CEP120: variants seen among roughly 807,000 people sequenced by gnomAD.
CEP120 encodes the protein centrosomal protein of 120 kDa.
CEP120 carries 113 observed loss-of-function variants against 126.5 expected under a neutral mutation model. That is an observed-to-expected ratio of 0.89 (90% CI 0.77 to 1.04). The LOEUF is 1.04. Ranked by LOEUF, CEP120 falls within the 50% of genes least tolerant of loss-of-function variation. The probability of loss-of-function intolerance (pLI) is 0.00; values close to 1 mark genes in which losing one functional copy is unlikely to be tolerated. For missense variants in CEP120, 1,230 were observed against 1,155.7 expected, an observed-to-expected ratio of 1.06 and a Z score of -0.93; for synonymous variants, 400 against 394.3, an observed-to-expected ratio of 1.01 and a Z score of -0.17.
At chr5:123,420,965 C>G (rs142540343) in intron 1 of CEP120, among the ~76,000 whole-genome samples, 1 of 152,094 alleles carries the variant, frequency 6.6e-6, no homozygotes, top group Non-Finnish European at 1.5e-5. Context: ...AAATACAGTA[C>G]GAACAAGAGA....
chr5:123,407,394 T>C (rs902738191), intron 4 of CEP120, among the ~76,000 whole-genome samples: 2 of 152,128 alleles, frequency 1.3e-5, no homozygotes, highest in African/African-American at 2.4e-5. Context: ...AAAACAAATA[T>C]AGATTAAAAG....
rs757499322 is a variant in CEP120, at chr5:123,412,411, G to C, written c.451C>G (p.Arg151Gly). The C allele has an allele frequency of 1.3e-6, 2 of 1,599,856 alleles. No homozygotes were observed. Among genetic ancestry groups the C allele is most frequent in the East Asian group, 2.2e-5 (1 of 44,522 alleles). ...ATGATGCACAAACCTTTTCCATCTC[G>C]AGGGGGAGCCCCCTTTGCTTTAAAG... is the stretch of plus-strand genomic sequence containing the variant. ...DSFKAKGAPP[R>G]DGKVPAILAG... Residue 151 changes from arginine (R) to glycine (G), a missense_variant, in exon 4 of 20, where the codon CGA becomes GGA. Physicochemically the swap from Arg to Gly is moderately radical, Grantham distance 125. Transcript: ENST00000306467.
intron 4 of CEP120, chr5:123,403,157 C>T (rs1773383586): frequency 7.6e-6 from 3 of 395,862 alleles, no homozygotes; most frequent in African/African-American, 4.2e-5. Context: ...GCACAAATTC[C>T]CTCACTTTGT....
At chr5:123,363,178 C>T (rs1770211507) in intron 18 of CEP120, among the ~76,000 whole-genome samples, 1 of 151,508 alleles carries the variant, frequency 6.6e-6, no homozygotes, top group Admixed American at 6.6e-5. Context: ...TTTCCTAAAT[C>T]ACAACCAATT....
intron 9 of CEP120, 128 bp from the exon 10 acceptor site, chr5:123,386,795 A>T: frequency 3.0e-6 from 2 of 665,568 alleles, no homozygotes; most frequent in Admixed American, 8.4e-5. Context: ...TAATAGAAAC[A>T]TGGTAGACAT....
chr5:123,392,218 A>G (rs781119595), intron 6 of CEP120, among the ~76,000 whole-genome samples: 3 of 152,228 alleles, frequency 2.0e-5, no homozygotes, highest in Non-Finnish European at 2.9e-5. Flanking sequence ...TTAGAAACTA[A>G]TAAATCAATA....
At chr5:123,407,692 C>G (rs967331149) in intron 4 of CEP120, among the ~76,000 whole-genome samples, 2 of 152,166 alleles carry the variant, frequency 1.3e-5, no homozygotes, top group African/African-American at 2.4e-5. Context: ...ATTGACATAA[C>G]TGAACTCAAC....
At chr5:123,402,562 C>A (rs1239073047) in intron 4 of CEP120, among the ~76,000 whole-genome samples, 1 of 152,092 alleles carries the variant, frequency 6.6e-6, no homozygotes, top group African/African-American at 2.4e-5. Context: ...CAGGCTTGTG[C>A]CACCAAGCCA....
intron 1 of CEP120, among the ~76,000 whole-genome samples, chr5:123,420,624 T>C (rs1774654197): frequency 6.6e-6 from 1 of 152,132 alleles, no homozygotes; most frequent in East Asian, 1.9e-4. Flanking sequence ...CTGAAGGACT[T>C]TAAGAAAATC....
intron 4 of CEP120, chr5:123,401,987 C>T (rs1269664737): frequency 1.1e-5 from 17 of 1,604,704 alleles, no homozygotes; most frequent in Non-Finnish European, 1.4e-5. Flanking sequence ...ACTTGGTCTC[C>T]AGCATCTTGT....
At chr5:123,360,792 A>C (rs1219341774) in intron 18 of CEP120, among the ~76,000 whole-genome samples, 1 of 151,782 alleles carries the variant, frequency 6.6e-6, no homozygotes, top group East Asian at 1.9e-4. Flanking sequence ...TTTCACACTG[A>C]ATCTTCTTTT....
rs113516100 is a variant in CEP120 at position 123,400,941 on chromosome 5, G to A, written c.464-1657C>T. The A allele has an allele frequency of 5.4e-3, 8,371 of 1,555,344 alleles. 349 individuals are homozygous for A. In the African/African-American group the frequency reaches 0.093, roughly 17 times the overall value. On this transcript the variant is annotated intron_variant, in intron 4 of 19. Coordinates refer to ENST00000306467, the MANE Select transcript of CEP120 (RefSeq NM_001375405.1). ...TGTTCACTTGGGCAGGACGTCAGAG[G>A]ACTCGGACACCAGCTTCCCATCACG...
intron 18 of CEP120, among the ~76,000 whole-genome samples, chr5:123,352,334 T>G (rs1392989426): frequency 2.6e-5 from 4 of 152,080 alleles, no homozygotes; most frequent in African/African-American, 9.7e-5. Context: ...CCGTGCTCTT[T>G]CCTATTTAAG....
In CEP120 at chr5:123,362,322, C is replaced by T. The variant is rs528265755; in HGVS notation, c.2580+2174G>A. 5.3e-5 allele frequency among the ~76,000 whole-genome samples: 8 copies of T among 151,808 alleles called. No individual in the cohort carries two copies. In the East Asian group the frequency reaches 1.6e-3, roughly 29 times the overall value. ...TCGTCAGAGTGGCTAATTTTCTTCTCCTAGAAATTATTTCATTCCTTGACT... is the reference window on the plus strand; with the variant it reads ...TCGTCAGAGTGGCTAATTTTCTTCTTCTAGAAATTATTTCATTCCTTGACT... On this transcript the variant is annotated intron_variant, in intron 18 of 19. Transcript: ENST00000306467.
In CEP120 at chr5:123,386,676, T is replaced by TAAA. The variant is rs75744800; in HGVS notation, c.1431-12_1431-10dup. 2,506 of 607,704 alleles carry TAAA rather than the reference T, an allele frequency of 4.1e-3. 6 individuals carry two copies. The highest frequency in any genetic ancestry group is 4.6e-3 in the African/African-American group (166 of 36,430). 37.6% of individuals were successfully genotyped at this position (607,704 alleles called of 1,614,324 possible). On this transcript the variant is annotated splice_polypyrimidine_tract_variant and intron_variant, in intron 9 of 19. Transcript: ENST00000306467. Reference sequence around the variant, plus strand: ...AGAATGGATATGAGTACCTAGAATTTAAAAAAAAAAAAAAAAAAAAAAGCC... The same window carrying TAAA: ...AGAATGGATATGAGTACCTAGAATTTAAAAAAAAAAAAAAAAAAAAAAAAAGCC...
intron 4 of CEP120, among the ~76,000 whole-genome samples, chr5:123,406,889 C>T (rs898145677): frequency 3.3e-5 from 5 of 151,366 alleles, no homozygotes; most frequent in African/African-American, 7.3e-5. Context: ...TGTGTGTGCA[C>T]GCATGCACAT....
chr5:123,359,568 G>A (rs1422017263), intron 18 of CEP120, among the ~76,000 whole-genome samples: 1 of 151,938 alleles, frequency 6.6e-6, no homozygotes, highest in Non-Finnish European at 1.5e-5. Context: ...AAGAAAAAAA[G>A]CAAACTAAAT....
rs550296993 is a variant in CEP120, at chr5:123,363,643, C to G, written c.2580+853G>C. Among the ~76,000 whole-genome samples, 4 of 151,558 alleles carry G rather than the reference C, an allele frequency of 2.6e-5. No individual in the cohort carries two copies. In the South Asian group the frequency reaches 8.3e-4, roughly 31 times the overall value. ...CATTTATGTTAGGGTAAACTACCTACCCTAGTTTTTAATTCTCATGTAGAC... is the reference window on the plus strand; with the variant it reads ...CATTTATGTTAGGGTAAACTACCTAGCCTAGTTTTTAATTCTCATGTAGAC... On this transcript the variant is annotated intron_variant, in intron 18 of 19. Coordinates refer to ENST00000306467, the MANE Select transcript of CEP120 (RefSeq NM_001375405.1).
chr5:123,379,855 C>T (rs926853453), intron 14 of CEP120, among the ~76,000 whole-genome samples: 7 of 152,112 alleles, frequency 4.6e-5, no homozygotes, highest in Admixed American at 1.3e-4. Context: ...TTTGAGTCTA[C>T]CTGGCAATAT....
Sources: allele counts gnomAD v4.1 joint callset (sites outside exome capture counted in the v4.1 genomes callset), GRCh38; gene constraint gnomAD v4.1.1; transcripts MANE v1.5; gene names NCBI Gene and HGNC (gene_info 2026-07-23, HGNC 2026-07-21).